The following TLN2 variants were observed in gnomAD, a reference collection of about 807,000 sequenced individuals.
TLN2 encodes talin 2.
A neutral mutation model predicts 294.7 loss-of-function variants in TLN2; 118 were observed. That is an observed-to-expected ratio of 0.40 (90% CI 0.34 to 0.47). The LOEUF (loss-of-function observed/expected upper bound fraction) is 0.47. TLN2 is among the 20% of genes least tolerant of loss of function. The pLI, the probability that TLN2 is intolerant of heterozygous loss-of-function variation, is 0.84. For missense variants in TLN2, 3,083 were observed against 3,282.2 expected (o/e 0.94, Z 1.48); for synonymous variants, 1,431 against 1,304.5 (o/e 1.10, Z -2.09).
At position 62,698,879 on chromosome 15, in the gene TLN2, T is replaced by G; in HGVS notation, c.1587+12T>G. The stretch of plus-strand genomic sequence containing the variant: ...TCGGCCAGGATATGGTAAATACTGT[T>G]CAGTGGTTTTCATGCCAAGTCTCTG... On this transcript the variant is annotated intron_variant, in intron 16 of 58. Coordinates refer to ENST00000636159, the MANE Select transcript of TLN2 (RefSeq NM_015059.3). 1 of 1,608,224 alleles carries G rather than the reference T, an allele frequency of 6.2e-7. No homozygotes were observed. Among genetic ancestry groups the G allele is most frequent in the Non-Finnish European group, 8.5e-7 (1 of 1,177,702 alleles).
chr15:62,716,438 A>G lies in TLN2; in HGVS notation c.2742A>G (p.Lys914=), dbSNP rs1220924426. The change falls in exon 23 of 59, where the codon AAA becomes AAG. Residue 914 remains lysine (K), a synonymous_variant. Transcript: ENST00000636159. The part of the protein sequence containing the change: ...TNAAAQNAIK[K]KIVNRLEVAA... ...CAGCTGCCCAGAATGCTATTAAGAA[A>G]AAAATTGTCAACCGACTGGAGGTAA... 6.2e-7 allele frequency: 1 copy of G among 1,606,140 alleles called. No individual in the cohort carries two copies.
chr15:62,523,735 CGTG>C (rs1171097484), intron 1 of TLN2, among the ~76,000 whole-genome samples: 3 of 152,006 alleles, frequency 2.0e-5, no homozygotes, highest in African/African-American at 7.3e-5. Context: ...ATTTTTAAAA[CGTG>C]GTACATTTAT....
At chr15:62,656,749 C>G (rs1225785087) in intron 8 of TLN2, among the ~76,000 whole-genome samples, 2 of 152,172 alleles carry the variant, frequency 1.3e-5, no homozygotes, top group Non-Finnish European at 2.9e-5. Context: ...AAACTACAGT[C>G]ATGCCTTTTG....
At chr15:62,728,446 A>G (rs963661527) in intron 28 of TLN2, among the ~76,000 whole-genome samples, 1 of 152,228 alleles carries the variant, frequency 6.6e-6, no homozygotes, top group Admixed American at 6.5e-5. Flanking sequence ...GAACATAGTA[A>G]GCATTTTCTA....
chr15:62,829,036 T>G (rs943707817), intron 54 of TLN2: 2 of 152,072 alleles, frequency 1.3e-5, no homozygotes, highest in Non-Finnish European at 2.9e-5. Context: ...AGCATCTGCA[T>G]CTTTAACCAG....
At chr15:62,837,321 T>G (rs773759459) in intron 57 of TLN2, among the ~76,000 whole-genome samples, 1 of 152,208 alleles carries the variant, frequency 6.6e-6, no homozygotes, top group Non-Finnish European at 1.5e-5. Flanking sequence ...GGGGGACACT[T>G]CTGAGGAAAA....
intron 9 of TLN2, among the ~76,000 whole-genome samples, chr15:62,666,375 A>G (rs2414788): frequency 6.6e-6 from 1 of 152,134 alleles, no homozygotes; most frequent in Non-Finnish European, 1.5e-5. Context: ...TTCACGCAGC[A>G]TTCACCTTGC....
intron 43 of TLN2, among the ~76,000 whole-genome samples, chr15:62,779,971 A>G (rs2064013243): frequency 6.6e-6 from 1 of 152,174 alleles, no homozygotes; most frequent in African/African-American, 2.4e-5. Context: ...ACATTTTCCT[A>G]ATTGACCACT....
At chr15:62,757,896 T>C (rs1056303101) in intron 37 of TLN2, among the ~76,000 whole-genome samples, 1 of 152,180 alleles carries the variant, frequency 6.6e-6, no homozygotes, top group African/African-American at 2.4e-5. Flanking sequence ...TTGCTTTTAA[T>C]TTACTAACAG....
chr15:62,539,830 C>G (rs2041571208), intron 1 of TLN2, among the ~76,000 whole-genome samples: 1 of 151,448 alleles, frequency 6.6e-6, no homozygotes, highest in Admixed American at 6.6e-5. Context: ...TAAACACTAA[C>G]TGAAGACATA....
rs1332625557 is a variant in TLN2, at chr15:62,748,387, G to A, written c.4062G>A (p.Leu1354=). The A allele has an allele frequency of 1.2e-6, 2 of 1,613,648 alleles. No individual in the cohort carries two copies. The highest frequency in any genetic ancestry group is 2.2e-5 in the East Asian group (1 of 44,852). ...AGAGCATCAATCAACTCATCACTCT[G>A]TGTACCCAACAAGCTCCGGGCCAGA... ...VTESINQLIT[L]CTQQAPGQKE... is the part of the protein sequence containing the mutation. The change falls in exon 33 of 59, where the codon CTG becomes CTA. Residue 1354 remains leucine (L), a synonymous_variant. Transcript: ENST00000636159.
At chr15:62,805,852 G>T in intron 51 of TLN2, 67 bp downstream of exon 51, 3 of 1,528,268 alleles carry the variant, frequency 2.0e-6, no homozygotes, top group Non-Finnish European at 2.7e-6. Flanking sequence ...GCTTGGTGTA[G>T]TCTGAAAAAG....
At chr15:62,651,842 A>G (rs905146221) in intron 5 of TLN2, among the ~76,000 whole-genome samples, 163 bp from the exon 6 acceptor site, 1 of 152,202 alleles carries the variant, frequency 6.6e-6, no homozygotes, top group Non-Finnish European at 1.5e-5. Context: ...TAGTGGCAAC[A>G]ATCCCCTGAA....
intron 30 of TLN2, 75 bp downstream of exon 30, chr15:62,738,408 TC>T: frequency 6.6e-7 from 1 of 1,509,070 alleles, no homozygotes. Flanking sequence ...TCTTCTTCTC[TC>T]CATGAGATCT....
intron 1 of TLN2, among the ~76,000 whole-genome samples, chr15:62,450,069 C>G (rs976766197): frequency 2.0e-5 from 3 of 152,152 alleles, no homozygotes; most frequent in Non-Finnish European, 4.4e-5. Context: ...AACTTACTTT[C>G]CTAATGTTTT....
chr15:62,645,473 C>T (rs773393298), intron 3 of TLN2, among the ~76,000 whole-genome samples: 23 of 152,318 alleles, frequency 1.5e-4, no homozygotes, highest in Admixed American at 4.6e-4. Context: ...TGCAGTTGGA[C>T]GGCCTGAAAG....
At chr15:62,513,773 A>G (rs879588452) in intron 1 of TLN2, among the ~76,000 whole-genome samples, 9 of 152,204 alleles carry the variant, frequency 5.9e-5, no homozygotes, top group East Asian at 1.9e-4. Flanking sequence ...AAGAAGTTCT[A>G]CACAAAATTG....
intron 1 of TLN2, among the ~76,000 whole-genome samples, chr15:62,539,307 A>G (rs776199154): frequency 6.6e-6 from 1 of 152,206 alleles, no homozygotes; most frequent in Non-Finnish European, 1.5e-5. Context: ...GTGTGTGCCA[A>G]GATTGAGTGG....
chr15:62,696,783 C>T (rs1050118616), intron 14 of TLN2, among the ~76,000 whole-genome samples: 1 of 152,174 alleles, frequency 6.6e-6, no homozygotes, highest in Non-Finnish European at 1.5e-5. Flanking sequence ...TAGTTGAAAG[C>T]ATTTGGGGAA....
Sources: gnomAD v4.1 joint callset for allele counts (sites outside exome capture counted in the v4.1 genomes callset) on GRCh38, gnomAD v4.1.1 for gene constraint, MANE v1.5 for transcripts, NCBI Gene and HGNC (gene_info 2026-07-23, HGNC 2026-07-21) for gene names.